FAT4: variants seen among roughly 807,000 people sequenced by gnomAD.
FAT4 encodes protocadherin Fat 4.
FAT4 carries 84 observed loss-of-function variants against 303.9 expected under a neutral mutation model. The observed-to-expected ratio is 0.28, with a 90% confidence interval of 0.23 to 0.33. FAT4 has a LOEUF of 0.33. Among genes scored for constraint, FAT4 ranks in the 10% least tolerant of loss-of-function variants. FAT4 has a pLI of 1.00. For missense variants in FAT4, 6,005 were observed against 6,146.8 expected, an observed-to-expected ratio of 0.98 and a Z score of 0.77; for synonymous variants, 2,307 against 2,298.8, an observed-to-expected ratio of 1.00 and a Z score of -0.10.
At chr4:125,414,208 A>G (rs1329519737) in intron 5 of FAT4, among the ~76,000 whole-genome samples, 1 of 152,110 alleles carries the variant, frequency 6.6e-6, no homozygotes, top group Non-Finnish European at 1.5e-5. Context: ...GGATTTAGAA[A>G]CAATTTTTAA....
Position 125,449,793 on chromosome 4 carries a change from A to G in FAT4, c.8783A>G (p.Glu2928Gly), listed in dbSNP as rs1046370892. ...TTCAGGATTAATGCCACCACTGGAG[A>G]GATTTTCAATAAACAGATCTTAAAA... ...EYFRINATTGEIFNKQILKYQ... is the reference protein window; with the variant it reads ...EYFRINATTGGIFNKQILKYQ... The change falls in exon 10 of 18, where the codon GAG becomes GGG. Residue 2928 changes from glutamate (E) to glycine (G), a missense_variant. By Grantham distance (98) the Glu-to-Gly change is moderately conservative (BLOSUM62 -2). Transcript: ENST00000394329. 2 of 1,613,828 alleles carry G rather than the reference A, an allele frequency of 1.2e-6. No homozygotes were observed. Among genetic ancestry groups the G allele is most frequent in the Non-Finnish European group, 8.5e-7 (1 of 1,179,900 alleles).
At chr4:125,357,012 G>T (rs1462383645) in intron 2 of FAT4, among the ~76,000 whole-genome samples, 2 of 151,890 alleles carry the variant, frequency 1.3e-5, no homozygotes, top group Non-Finnish European at 2.9e-5. Flanking sequence ...TCTCAGTATA[G>T]CTCCCCCAAC....
At chr4:125,458,324 A>C (rs1023503941) in intron 10 of FAT4, among the ~76,000 whole-genome samples, 1 of 152,006 alleles carries the variant, frequency 6.6e-6, no homozygotes, top group Non-Finnish European at 1.5e-5. Flanking sequence ...CAGAATATGC[A>C]TAGTAATTTT....
intron 12 of FAT4, among the ~76,000 whole-genome samples, chr4:125,473,811 A>T (rs1208513880): frequency 6.6e-6 from 1 of 152,006 alleles, no homozygotes; most frequent in East Asian, 1.9e-4. Context: ...TATTATTGTG[A>T]CCATAGTCAT....
chr4:125,380,172 C>T (rs755982171), intron 2 of FAT4, among the ~76,000 whole-genome samples: 50 of 150,948 alleles, frequency 3.3e-4, no homozygotes, highest in Non-Finnish European at 4.0e-4. Context: ...GGATTACAGG[C>T]GTGAGCCACC....
At position 125,434,227 on chromosome 4, in the gene FAT4, A is replaced by G. The variant is rs1018609583; in HGVS notation, c.7019-18A>G. The G allele has an allele frequency of 6.2e-7, 1 of 1,602,414 alleles. No individual in the cohort carries two copies. ...TTTTGTTTATAAACATTGAGACTTGATTTTCTTTTCTTTTTAGGATCCCCT... is the reference window on the plus strand; with the variant it reads ...TTTTGTTTATAAACATTGAGACTTGGTTTTCTTTTCTTTTTAGGATCCCCT... On this transcript the variant is annotated intron_variant, in intron 7 of 17. Transcript: ENST00000394329.
At chr4:125,452,909 G>T in intron 10 of FAT4, 99 bp downstream of exon 10, 1 of 1,354,078 alleles carries the variant, frequency 7.4e-7, no homozygotes. Flanking sequence ...TCATATAAAT[G>T]AGCATAATAG....
intron 2 of FAT4, among the ~76,000 whole-genome samples, chr4:125,343,527 C>A (rs1731880641): frequency 6.6e-6 from 1 of 152,046 alleles, no homozygotes; most frequent in South Asian, 2.1e-4. Context: ...AATTTCATCT[C>A]TTAATATAGT....
chr4:125,484,399 T>C (rs974004518), intron 16 of FAT4, among the ~76,000 whole-genome samples: 1 of 152,210 alleles, frequency 6.6e-6, no homozygotes, highest in Non-Finnish European at 1.5e-5. Context: ...CCATATTTGA[T>C]GTTCTGTAAT....
intron 7 of FAT4, among the ~76,000 whole-genome samples, chr4:125,416,901 A>G (rs532876267): frequency 6.6e-6 from 1 of 151,422 alleles, no homozygotes; most frequent in Admixed American, 6.6e-5. Context: ...AGCCGAGATC[A>G]CACCACTGTT....
At chr4:125,367,910 A>G (rs1732946625) in intron 2 of FAT4, among the ~76,000 whole-genome samples, 1 of 152,132 alleles carries the variant, frequency 6.6e-6, no homozygotes, top group Non-Finnish European at 1.5e-5. Flanking sequence ...TTCTACTCTG[A>G]CTCAGGTAGG....
At chr4:125,476,287 AT>A in intron 13 of FAT4, 31 bp downstream of exon 13, 1 of 1,291,758 alleles carries the variant, frequency 7.7e-7, no homozygotes, top group Admixed American at 2.1e-5. Flanking sequence ...AATTTTTATT[AT>A]TACTTAAAAT....
chr4:125,468,361 TATTTTA>T, intron 11 of FAT4, 145 bp from the exon 12 acceptor site: 1 of 483,614 alleles, frequency 2.1e-6, no homozygotes, highest in Non-Finnish European at 3.5e-6. Flanking sequence ...GATCATTAAC[TATTTTA>T]ATTTTAGTTT....
chr4:125,321,716 A>C (rs1430790387), intron 2 of FAT4, 130 bp downstream of exon 2: 2 of 942,892 alleles, frequency 2.1e-6, no homozygotes, highest in East Asian at 5.4e-5. Context: ...ACACCTAAAA[A>C]TGTTCTGTCA....
chr4:125,380,055 G>A (rs919619995), intron 2 of FAT4, among the ~76,000 whole-genome samples: 6 of 151,906 alleles, frequency 3.9e-5, no homozygotes, highest in African/African-American at 9.7e-5. Context: ...CACCACATCC[G>A]GCTAATTTTG....
At chr4:125,466,983 T>G (rs887645848) in intron 11 of FAT4, among the ~76,000 whole-genome samples, 23 of 152,072 alleles carry the variant, frequency 1.5e-4, no homozygotes, top group African/African-American at 4.8e-4. Context: ...TTCACCGTGT[T>G]AGCCAGGATG....
chr4:125,468,643 T>C lies in FAT4; in HGVS notation c.12037T>C (p.Leu4013=). The C allele has an allele frequency of 3.1e-6, 5 of 1,614,136 alleles. No individual in the cohort carries two copies. Among genetic ancestry groups the C allele is most frequent in the Non-Finnish European group, 4.2e-6 (5 of 1,180,024 alleles). The change falls in exon 12 of 18, where the codon TTG becomes CTG. Residue 4013 remains leucine (L), a synonymous_variant. Coordinates refer to ENST00000394329, the MANE Select transcript of FAT4 (RefSeq NM_001291303.3). The part of the protein sequence containing the change: ...KFATIKSHAL[L]LYNYDNQTGD... ...TGCCACGATTAAAAGTCATGCCTTA[T>C]TGCTTTACAACTATGACAACCAGAC...
rs1242978283 is a variant in FAT4, at chr4:125,448,670, A to G, written c.7660A>G (p.Thr2554Ala). 1.9e-6 allele frequency: 3 copies of G among 1,613,958 alleles called. No homozygotes were observed. The highest frequency in any genetic ancestry group is 2.5e-6 in the Non-Finnish European group (3 of 1,179,892). Residue 2554 changes from threonine to alanine, a missense_variant, in exon 10 of 18, where the codon ACA becomes GCA. By Grantham distance (58) the Thr-to-Ala change is moderately conservative. Coordinates refer to ENST00000394329, the MANE Select transcript of FAT4 (RefSeq NM_001291303.3). ...DGGSFPKTDS[T>A]TVTVRFVNKA... is the part of the protein sequence containing the mutation. ...TGGCTCATTTCCAAAGACAGATTCT[A>G]CAACAGTGACTGTTAGATTCGTGAA...
At chr4:125,439,456 C>T (rs1370470681) in intron 8 of FAT4, among the ~76,000 whole-genome samples, 1 of 151,898 alleles carries the variant, frequency 6.6e-6, no homozygotes, top group African/African-American at 2.4e-5. Flanking sequence ...TCTCAGCCTC[C>T]TGAGTAGCTG....
Sources: allele counts gnomAD v4.1 joint callset (sites outside exome capture counted in the v4.1 genomes callset), GRCh38; gene constraint gnomAD v4.1.1; transcripts MANE v1.5; gene names NCBI Gene and HGNC (gene_info 2026-07-23, HGNC 2026-07-21).